The following SETX variants were observed in gnomAD, a reference collection of about 807,000 sequenced individuals.
The protein encoded by SETX is helicase senataxin.
Under a neutral mutation model 227.2 loss-of-function variants are expected in SETX, and 90 were observed. The observed-to-expected ratio is 0.40, with a 90% CI of 0.33 to 0.47. The LOEUF (loss-of-function observed/expected upper bound fraction) is 0.47. SETX is among the 20% of genes least tolerant of loss of function. The pLI, the probability that SETX is intolerant of heterozygous loss-of-function variation, is 0.91. For missense variants in SETX, 3,052 were observed against 3,181.5 expected (o/e 0.96, Z 0.98); for synonymous variants, 1,210 against 1,113.2 (o/e 1.09, Z -1.73).
chr9:132,310,927 C>T (rs1589700217), intron 11 of SETX, among the ~76,000 whole-genome samples: 1 of 152,152 alleles, frequency 6.6e-6, no homozygotes, highest in Non-Finnish European at 1.5e-5. Flanking sequence ...TGTAAGAATA[C>T]AGTACATAAT....
At chr9:132,283,012 T>C in intron 19 of SETX, 1 of 517,206 alleles carries the variant, frequency 1.9e-6, no homozygotes, top group South Asian at 2.1e-5. Context: ...AGTGAGACAG[T>C]CACTCAGCAG....
At position 132,329,440 on chromosome 9, in the gene SETX, A is replaced by T; in HGVS notation, c.2158T>A (p.Ser720Thr). The change falls in exon 10 of 26, where the codon TCA becomes ACA. Residue 720 changes from serine (S) to threonine (T), a missense_variant. Around this residue, in one of 10 missense-constraint regions of SETX, gnomAD observed 1,483 missense variants for 1,312.0 expected, o/e 1.13. Coordinates refer to ENST00000224140, the MANE Select transcript of SETX (RefSeq NM_015046.7). ...GAAGTACAGTCCTTTGGTGTATATGAAGAGATCTCTTTTACAGACTTCTGC... is the reference window on the plus strand; with the variant it reads ...GAAGTACAGTCCTTTGGTGTATATGTAGAGATCTCTTTTACAGACTTCTGC... ...RKQKSVKEIS[S>T]YTPKDCTSRN... is the part of the protein sequence containing the mutation. 3 of 1,613,470 alleles carry T rather than the reference A, an allele frequency of 1.9e-6. No homozygotes were observed. Among genetic ancestry groups the T allele is most frequent in the Non-Finnish European group, 2.5e-6 (3 of 1,179,936 alleles).
intron 12 of SETX, among the ~76,000 whole-genome samples, chr9:132,299,553 T>C (rs1334808913): frequency 6.6e-6 from 1 of 152,234 alleles, no homozygotes; most frequent in Non-Finnish European, 1.5e-5. Flanking sequence ...ACACACTTTA[T>C]TGCTATATTA....
chr9:132,304,856 G>A (rs1273229211), intron 11 of SETX, among the ~76,000 whole-genome samples: 1 of 152,048 alleles, frequency 6.6e-6, no homozygotes, highest in Non-Finnish European at 1.5e-5. Flanking sequence ...ACATTAGCCA[G>A]GCATGGTGGC....
intron 10 of SETX, among the ~76,000 whole-genome samples, chr9:132,316,383 CTCT>C (rs1484334554): frequency 6.6e-6 from 1 of 152,200 alleles, no homozygotes; most frequent in African/African-American, 2.4e-5. Context: ...TTTTAAAACT[CTCT>C]TCTTCACATC....
intron 1 of SETX, among the ~76,000 whole-genome samples, chr9:132,354,682 G>A (rs564078377): frequency 2.0e-5 from 3 of 151,852 alleles, no homozygotes; most frequent in Admixed American, 6.6e-5. Context: ...CGGAAGGACA[G>A]GGGGTCGCAG....
intron 15 of SETX, among the ~76,000 whole-genome samples, chr9:132,291,917 G>C (rs11243713): frequency 0.056 from 8,531 of 152,200 alleles, 370 homozygotes; most frequent in East Asian, 0.25. Context: ...TTAAAAACAA[G>C]TGTAATTATC....
At chr9:132,314,327 G>A (rs1845843392) in intron 10 of SETX, among the ~76,000 whole-genome samples, 1 of 152,184 alleles carries the variant, frequency 6.6e-6, no homozygotes, top group Non-Finnish European at 1.5e-5. Flanking sequence ...GACCTCAGGT[G>A]ATCCACCTGC....
chr9:132,317,404 T>A (rs1846038048), intron 10 of SETX, among the ~76,000 whole-genome samples: 1 of 152,244 alleles, frequency 6.6e-6, no homozygotes, highest in Admixed American at 6.5e-5. Flanking sequence ...ACTGAATATC[T>A]GTAGCAGCTG....
intron 2 of SETX, among the ~76,000 whole-genome samples, chr9:132,352,761 A>G (rs574779259): frequency 1.3e-5 from 2 of 152,350 alleles, no homozygotes; most frequent in South Asian, 2.1e-4. Context: ...CACATATCTG[A>G]CAGGCACCTC....
chr9:132,356,155 A>G (rs968365475), upstream of SETX, among the ~76,000 whole-genome samples: 5 of 152,016 alleles, frequency 3.3e-5, no homozygotes, highest in African/African-American at 1.2e-4. Flanking sequence ...GTCTCAGAAA[A>G]GTCTATAAAT....
At chr9:132,320,629 C>T (rs1456426904) in intron 10 of SETX, among the ~76,000 whole-genome samples, 2 of 149,200 alleles carry the variant, frequency 1.3e-5, no homozygotes, top group African/African-American at 4.9e-5. Context: ...CTAAACAAGG[C>T]ACCTTAATAC....
intron 5 of SETX, among the ~76,000 whole-genome samples, chr9:132,340,746 T>A (rs1384447520): frequency 6.6e-6 from 1 of 152,224 alleles, no homozygotes; most frequent in African/African-American, 2.4e-5. Flanking sequence ...TTAGGGGTTA[T>A]CCACTGTGCT....
rs186688478 is a variant in SETX, at chr9:132,274,401, G to C, written c.7100+855C>G. On this transcript the variant is annotated intron_variant, in intron 23 of 25. Coordinates refer to ENST00000224140, the MANE Select transcript of SETX (RefSeq NM_015046.7). ...CTTGGTTCTGGGCTTTTCATTATTG[G>C]GAAATGTTTCATTATTTGTTATAAA... Among the ~76,000 whole-genome samples, 24 of 151,382 alleles carry C rather than the reference G, an allele frequency of 1.6e-4. 1 individual carries two copies. The East Asian group carries it at 4.3e-3, about 27-fold the overall frequency.
chr9:132,344,640 C>T (rs954397292), intron 4 of SETX, among the ~76,000 whole-genome samples: 1 of 152,172 alleles, frequency 6.6e-6, no homozygotes, highest in Non-Finnish European at 1.5e-5. Context: ...TTTAGGAGGC[C>T]GAGGTGGGCG....
At position 132,333,939 on chromosome 9, in the gene SETX, C is replaced by G. The variant is rs145274603; in HGVS notation, c.838+669G>C. ...AATTTATTTTAATAATCACATGTGG[C>G]TGGCAGTTACTGTATTAGAGAACCA... On this transcript the variant is annotated intron_variant, in intron 7 of 25. Coordinates refer to ENST00000224140, the MANE Select transcript of SETX (RefSeq NM_015046.7). Among the ~76,000 whole-genome samples the G allele has an allele frequency of 1.3e-4, 20 of 152,062 alleles. 1 individual carries two copies. The East Asian group carries it at 3.9e-3, about 29-fold the overall frequency.
At position 132,264,864 on chromosome 9, in the gene SETX, T is replaced by C. The variant is rs766002612; in HGVS notation, c.7409A>G (p.Gln2470Arg). Residue 2470 changes from glutamine to arginine, a missense_variant, in exon 26 of 26, where the codon CAG becomes CGG. This residue lies in a region of SETX where 294 missense variants were observed against 278.8 expected (regional missense o/e 1.05). Coordinates refer to ENST00000224140, the MANE Select transcript of SETX (RefSeq NM_015046.7). ...VKILKLKPVL[Q>R]RSLTHPPTIA... ...GGTAGGAGGGTGAGTGAGACTTCTC[T>C]GCAGCACAGGCTTGAGTTTCAGAAT... 6.2e-7 allele frequency: 1 copy of C among 1,614,194 alleles called. No homozygotes were observed. Among genetic ancestry groups the C allele is most frequent in the Non-Finnish European group, 8.5e-7 (1 of 1,180,008 alleles).
chr9:132,300,677 T>C lies in SETX; in HGVS notation c.5501A>G (p.His1834Arg), dbSNP rs770822383. 3 of 1,613,832 alleles carry C rather than the reference T, an allele frequency of 1.9e-6. No homozygotes were observed. The highest frequency in any genetic ancestry group is 2.5e-6 in the Non-Finnish European group (3 of 1,179,900). Residue 1834 changes from histidine to arginine, a missense_variant, in exon 12 of 26, where the codon CAC becomes CGC. Transcript: ENST00000224140. ...DTERNDIQDLHEYHSGYVHKF... is the reference protein window; with the variant it reads ...DTERNDIQDLREYHSGYVHKF... ...ATGAACATAACCAGAATGATATTCG[T>C]GGAGATCTTGTATGTCATTTCTCTC...
intron 3 of SETX, among the ~76,000 whole-genome samples, chr9:132,348,820 C>G (rs996569453): frequency 6.6e-6 from 1 of 152,052 alleles, no homozygotes; most frequent in African/African-American, 2.4e-5. Context: ...CCCAGCTACT[C>G]AGGAGGATGA....
Sources: allele counts gnomAD v4.1 joint callset (sites outside exome capture counted in the v4.1 genomes callset), GRCh38; gene constraint gnomAD v4.1.1; regional missense constraint gnomAD v4.1.1; transcripts MANE v1.5; gene names NCBI Gene and HGNC (gene_info 2026-07-23, HGNC 2026-07-21).